SPATA31D4: variants seen among roughly 807,000 people sequenced by gnomAD.
SPATA31D4 encodes SPATA31 subfamily D member 4.
For missense variants in SPATA31D4, 73 were observed against 279.1 expected, an observed-to-expected ratio of 0.26 and a Z score of 5.26; for synonymous variants, 23 against 102.8, an observed-to-expected ratio of 0.22 and a Z score of 4.70.
In SPATA31D4 at chr9:81,932,955, T is replaced by G. The variant is rs779556653; in HGVS notation, c.*40T>G. ...CTTCCCCGCAAGATCCGTGAACCCATAGAAATCTTCAAATCAGAAGAGGAT... is the reference window on the plus strand; with the variant it reads ...CTTCCCCGCAAGATCCGTGAACCCAGAGAAATCTTCAAATCAGAAGAGGAT... On this transcript the variant is annotated 3_prime_UTR_variant, in exon 4 of 4. Transcript: ENST00000419782. The G allele has an allele frequency of 1.4e-6, 2 of 1,458,528 alleles. No individual in the cohort carries two copies. The highest frequency in any genetic ancestry group is 1.9e-6 in the Non-Finnish European group (2 of 1,077,944). The allele number at this position is 1,458,528 out of a possible 1,614,324, so 90.3% of individuals were successfully genotyped here. A position where few individuals can be genotyped will look rare whatever the true frequency, so the allele number is the denominator to read the frequency against.
chr9:81,934,799 A>C lies in SPATA31D4; in HGVS notation c.*1884A>C. On this transcript the variant is annotated 3_prime_UTR_variant, in exon 4 of 4. Coordinates refer to ENST00000419782, the MANE Select transcript of SPATA31D4 (RefSeq NM_001145197.1). ...CCACAGGGATCCTGTGCCACATCTA[A>C]ACCCCACTTGTCAGCGTCAAGTCAC... 1 of 640,934 alleles carries C rather than the reference A, an allele frequency of 1.6e-6. No individual in the cohort carries two copies. The highest frequency in any genetic ancestry group is 2.6e-6 in the Non-Finnish European group (1 of 377,832). 39.7% of individuals were successfully genotyped at this position (640,934 alleles called of 1,614,324 possible).
rs1228650200 is a variant in SPATA31D4 at position 81,930,718 on chromosome 9, G to A, written c.557G>A (p.Arg186Gln). The change falls in exon 4 of 4, where the codon CGG (arginine) becomes CAG (glutamine). Residue 186 changes from arginine (R) to glutamine (Q), a missense_variant. Coordinates refer to ENST00000419782, the MANE Select transcript of SPATA31D4 (RefSeq NM_001145197.1). ...TTPEDLILSS[R>Q]PKPSPPPPLI... ...CCAGAAGACCTAATATTGTCCTCTC[G>A]GCCTAAGCCCTCTCCACCACCCCCC... The A allele has an allele frequency of 1.6e-3, 2 of 1,220 alleles. No individual in the cohort carries two copies. The highest frequency in any genetic ancestry group is 8.6e-3 in the African/African-American group (1 of 116). 0.1% of individuals were successfully genotyped at this position (1,220 alleles called of 1,614,324 possible). A position where few individuals can be genotyped will look rare whatever the true frequency, so the allele number is the denominator to read the frequency against.
In SPATA31D4 at chr9:81,934,130, G is replaced by A; in HGVS notation, c.*1215G>A. The A allele has an allele frequency of 9.5e-6, 4 of 419,724 alleles. No homozygotes were observed. The highest frequency in any genetic ancestry group is 3.7e-5 in the Admixed American group (1 of 27,222). The allele number at this position is 419,724 out of a possible 1,614,324, so 26.0% of individuals were successfully genotyped here. ...AAGACCCAATGGAGGAGAGCTTGGT[G>A]GAGGGGATGCAGGGTTGGGGACATC... On this transcript the variant is annotated 3_prime_UTR_variant, in exon 4 of 4. Coordinates refer to ENST00000419782, the MANE Select transcript of SPATA31D4 (RefSeq NM_001145197.1).
Position 81,933,078 on chromosome 9 carries a change from G to A in SPATA31D4, c.*163G>A. 1 of 1,491,240 alleles carries A rather than the reference G, an allele frequency of 6.7e-7. No individual in the cohort carries two copies. 92.4% of individuals were successfully genotyped at this position (1,491,240 alleles called of 1,614,324 possible). A position where few individuals can be genotyped will look rare whatever the true frequency, so the allele number is the denominator to read the frequency against. On this transcript the variant is annotated 3_prime_UTR_variant, in exon 4 of 4. Transcript: ENST00000419782. ...GGGGTCTCTAAGTCTCATAGACGAA[G>A]CACTTTTCAAGGAGAAAAGTTGGGA...
In SPATA31D4 at chr9:81,932,726, G is replaced by A; in HGVS notation, c.2565G>A (p.Lys855=). ...GTVHSSWHSV[K]QTICLPEKSH... is the part of the protein sequence containing the mutation. The stretch of plus-strand genomic sequence containing the variant: ...TGCATAGTTCATGGCACTCAGTCAA[G>A]CAGACAATATGTCTTCCTGAGAAAT... The change falls in exon 4 of 4, where the codon AAG becomes AAA. Residue 855 remains lysine, a synonymous_variant. Transcript: ENST00000419782. 1 of 1,518,710 alleles carries A rather than the reference G, an allele frequency of 6.6e-7. No homozygotes were observed. The allele number at this position is 1,518,710 out of a possible 1,614,324, so 94.1% of individuals were successfully genotyped here.
chr9:81,932,736 T>A lies in SPATA31D4; in HGVS notation c.2575T>A (p.Cys859Ser), dbSNP rs541441138. Residue 859 changes from cysteine to serine, a missense_variant, in exon 4 of 4, where the codon TGT becomes AGT. Coordinates refer to ENST00000419782, the MANE Select transcript of SPATA31D4 (RefSeq NM_001145197.1). ...ATGGCACTCAGTCAAGCAGACAATA[T>A]GTCTTCCTGAGAAATCCCACAGCCA... The part of the protein sequence containing the change: ...SSWHSVKQTI[C>S]LPEKSHSQIK... 2.5e-5 allele frequency: 38 copies of A among 1,521,874 alleles called. 3 individuals are homozygous for A. The South Asian group carries it at 4.3e-4, about 17-fold the overall frequency. The allele number at this position is 1,521,874 out of a possible 1,614,324, so 94.3% of individuals were successfully genotyped here.
Position 81,934,138 on chromosome 9 carries a change from T to C in SPATA31D4, c.*1223T>C, listed in dbSNP as rs1316394165. The C allele has an allele frequency of 1.2e-5, 5 of 419,636 alleles. No homozygotes were observed. The highest frequency in any genetic ancestry group is 1.1e-4 in the Admixed American group (3 of 27,334). The allele number at this position is 419,636 out of a possible 1,614,324, so 26.0% of individuals were successfully genotyped here. A position where few individuals can be genotyped will look rare whatever the true frequency, so the allele number is the denominator to read the frequency against. ...ATGGAGGAGAGCTTGGTGGAGGGGA[T>C]GCAGGGTTGGGGACATCCCAACTCA... On this transcript the variant is annotated 3_prime_UTR_variant, in exon 4 of 4. Coordinates refer to ENST00000419782, the MANE Select transcript of SPATA31D4 (RefSeq NM_001145197.1).
rs1418034929 is a variant in SPATA31D4 at position 81,934,219 on chromosome 9, A to T, written c.*1304A>T. On this transcript the variant is annotated 3_prime_UTR_variant, in exon 4 of 4. Transcript: ENST00000419782. Reference sequence around the variant, plus strand: ...CATCAGGAGAGGTGCCTGGGAGCAAATCTTCCCCAACCTTGAAAACACAGC... The same window carrying T: ...CATCAGGAGAGGTGCCTGGGAGCAATTCTTCCCCAACCTTGAAAACACAGC... 5.4e-5 allele frequency: 19 copies of T among 349,552 alleles called. 2 individuals are homozygous for T. The highest frequency in any genetic ancestry group is 8.2e-4 in the Middle Eastern group (2 of 2,430). The allele number at this position is 349,552 out of a possible 1,614,324, so 21.7% of individuals were successfully genotyped here. A position where few individuals can be genotyped will look rare whatever the true frequency, so the allele number is the denominator to read the frequency against.
rs1250733860 is a variant in SPATA31D4, at chr9:81,933,201, C to G, written c.*286C>G. 1.7e-6 allele frequency: 1 copy of G among 592,852 alleles called. No individual in the cohort carries two copies. Among genetic ancestry groups the G allele is most frequent in the South Asian group, 2.0e-5 (1 of 49,564 alleles). 36.7% of individuals were successfully genotyped at this position (592,852 alleles called of 1,614,324 possible). On this transcript the variant is annotated 3_prime_UTR_variant, in exon 4 of 4. Coordinates refer to ENST00000419782, the MANE Select transcript of SPATA31D4 (RefSeq NM_001145197.1). ...ACCCTGAGAAGACAATTTTCTGATA[C>G]TGACCATGACCTTATAGAGACAGAT...
In SPATA31D4 at chr9:81,932,279, TC is replaced by T; in HGVS notation, c.2119del (p.Leu707CysfsTer23). The stretch of plus-strand genomic sequence containing the variant: ...GCCTGCCCCGCAGAATCCATGAGTC[TC>T]TGTCATTGCTACGTCCTCAGAACAA... ...WGLPRRIHES[L>X]SLLRPQNKIS... On this transcript the variant is annotated frameshift_variant, in exon 4 of 4. Transcript: ENST00000419782. LOFTEE classifies it low-confidence loss of function (END_TRUNC). The T allele has an allele frequency of 1.3e-6, 1 of 789,652 alleles. No homozygotes were observed. Among genetic ancestry groups the T allele is most frequent in the Middle Eastern group, 3.8e-4 (1 of 2,662 alleles). The allele number at this position is 789,652 out of a possible 1,614,324, so 48.9% of individuals were successfully genotyped here.
At position 81,933,733 on chromosome 9, in the gene SPATA31D4, C is replaced by T. The variant is rs201282784; in HGVS notation, c.*818C>T. On this transcript the variant is annotated 3_prime_UTR_variant, in exon 4 of 4. Coordinates refer to ENST00000419782, the MANE Select transcript of SPATA31D4 (RefSeq NM_001145197.1). ...AGTCAGGAAGCTGCTTAGTGACAAA[C>T]GTGAAAAGAAGCACTTCTCATGAAA... 3 of 38,390 alleles carry T rather than the reference C, an allele frequency of 7.8e-5. No individual in the cohort carries two copies. The Admixed American group carries it at 1.2e-3, about 15-fold the overall frequency. 2.4% of individuals were successfully genotyped at this position (38,390 alleles called of 1,614,324 possible).
chr9:81,932,801 C>T lies in SPATA31D4; in HGVS notation c.2640C>T (p.Asp880=), dbSNP rs774171366. ...ATTTGGCAGCATTGGTGAGTGAGGA[C>T]CACGGCGTTGATACCTCCCAGGAGA... The part of the protein sequence containing the change: ...HRNLAALVSE[D]HGVDTSQEMS... Residue 880 remains aspartate, a synonymous_variant, in exon 4 of 4, where the codon GAC becomes GAT. Coordinates refer to ENST00000419782, the MANE Select transcript of SPATA31D4 (RefSeq NM_001145197.1). 1 of 1,533,470 alleles carries T rather than the reference C, an allele frequency of 6.5e-7. No homozygotes were observed. The highest frequency in any genetic ancestry group is 8.9e-7 in the Non-Finnish European group (1 of 1,119,186). 95.0% of individuals were successfully genotyped at this position (1,533,470 alleles called of 1,614,324 possible).
In SPATA31D4 at chr9:81,933,091, A is replaced by G. The variant is rs1823797614; in HGVS notation, c.*176A>G. The stretch of plus-strand genomic sequence containing the variant: ...CTCATAGACGAAGCACTTTTCAAGG[A>G]GAAAAGTTGGGAACAACAAGCTCAG... On this transcript the variant is annotated 3_prime_UTR_variant, in exon 4 of 4. Coordinates refer to ENST00000419782, the MANE Select transcript of SPATA31D4 (RefSeq NM_001145197.1). 1.4e-6 allele frequency: 2 copies of G among 1,432,148 alleles called. No homozygotes were observed. Among genetic ancestry groups the G allele is most frequent in the Admixed American group, 3.6e-5 (2 of 56,196 alleles). The allele number at this position is 1,432,148 out of a possible 1,614,324, so 88.7% of individuals were successfully genotyped here.
In SPATA31D4 at chr9:81,932,855, G is replaced by C. The variant is rs531529249; in HGVS notation, c.2694G>C (p.Lys898Asn). 2 of 1,509,934 alleles carry C rather than the reference G, an allele frequency of 1.3e-6. No individual in the cohort carries two copies. Among genetic ancestry groups the C allele is most frequent in the East Asian group, 4.6e-5 (2 of 43,062 alleles). The allele number at this position is 1,509,934 out of a possible 1,614,324, so 93.5% of individuals were successfully genotyped here. Residue 898 changes from lysine to asparagine, a missense_variant, in exon 4 of 4, where the codon AAG becomes AAC. Coordinates refer to ENST00000419782, the MANE Select transcript of SPATA31D4 (RefSeq NM_001145197.1). ...CCTTCCTTAGTTCCAACAAACAAAAGATGTTGGAAGCCCATATTAAATCTT... is the reference window on the plus strand; with the variant it reads ...CCTTCCTTAGTTCCAACAAACAAAACATGTTGGAAGCCCATATTAAATCTT... ...EMSFLSSNKQ[K>N]MLEAHIKSFH...
chr9:81,933,012 C>T lies in SPATA31D4; in HGVS notation c.*97C>T, dbSNP rs1195901109. On this transcript the variant is annotated 3_prime_UTR_variant, in exon 4 of 4. Transcript: ENST00000419782. ...AATTCCTTTTCCCATTTCTACCTTC[C>T]CTCCTCAGCCAGCTTTATTTCTCAG... 7.1e-7 allele frequency: 1 copy of T among 1,418,192 alleles called. No homozygotes were observed. The highest frequency in any genetic ancestry group is 1.4e-5 in the African/African-American group (1 of 71,156). 87.9% of individuals were successfully genotyped at this position (1,418,192 alleles called of 1,614,324 possible). A position where few individuals can be genotyped will look rare whatever the true frequency, so the allele number is the denominator to read the frequency against.
rs1478188596 is a variant in SPATA31D4, at chr9:81,933,075, G to A, written c.*160G>A. 11 of 1,494,806 alleles carry A rather than the reference G, an allele frequency of 7.4e-6. No individual in the cohort carries two copies. The highest frequency in any genetic ancestry group is 4.5e-5 in the East Asian group (2 of 44,084). The allele number at this position is 1,494,806 out of a possible 1,614,324, so 92.6% of individuals were successfully genotyped here. A position where few individuals can be genotyped will look rare whatever the true frequency, so the allele number is the denominator to read the frequency against. ...GATGGGGTCTCTAAGTCTCATAGAC[G>A]AAGCACTTTTCAAGGAGAAAAGTTG... On this transcript the variant is annotated 3_prime_UTR_variant, in exon 4 of 4. Transcript: ENST00000419782.
In SPATA31D4 at chr9:81,933,061, T is replaced by C. The variant is rs548633989; in HGVS notation, c.*146T>C. On this transcript the variant is annotated 3_prime_UTR_variant, in exon 4 of 4. Coordinates refer to ENST00000419782, the MANE Select transcript of SPATA31D4 (RefSeq NM_001145197.1). Reference sequence around the variant, plus strand: ...AGGGAGATTCCAAAGATGGGGTCTCTAAGTCTCATAGACGAAGCACTTTTC... The same window carrying C: ...AGGGAGATTCCAAAGATGGGGTCTCCAAGTCTCATAGACGAAGCACTTTTC... 1.3e-4 allele frequency: 203 copies of C among 1,511,168 alleles called. 17 individuals carry two copies. In the Middle Eastern group the frequency reaches 2.1e-3, roughly 16 times the overall value. 93.6% of individuals were successfully genotyped at this position (1,511,168 alleles called of 1,614,324 possible). A position where few individuals can be genotyped will look rare whatever the true frequency, so the allele number is the denominator to read the frequency against.
Sources: allele counts gnomAD v4.1 joint callset, GRCh38; gene constraint gnomAD v4.1.1; transcripts MANE v1.5; gene names NCBI Gene and HGNC (gene_info 2026-07-23, HGNC 2026-07-21).